Variants in RABGAP1 observed in about 807,000 individuals in gnomAD.
RABGAP1 encodes RAB GTPase activating protein 1.
RABGAP1 carries 23 observed loss-of-function variants against 137.6 expected under a neutral mutation model. That is an observed-to-expected ratio of 0.17 (90% CI 0.12 to 0.24). The LOEUF is 0.24. RABGAP1 is among the 10% of genes least tolerant of loss of function. RABGAP1 has a pLI of 1.00. For missense variants in RABGAP1, 906 were observed against 1,275.8 expected, an observed-to-expected ratio of 0.71 and a Z score of 4.42; for synonymous variants, 451 against 450.7, an observed-to-expected ratio of 1.00 and a Z score of -0.01.
chr9:123,020,236 T>C (rs976091068), intron 12 of RABGAP1, 73 bp from the exon 13 acceptor site: 3 of 1,289,884 alleles, frequency 2.3e-6, no homozygotes. Context: ...TTAAATTGAC[T>C]TTGATAAAAG....
chr9:123,042,674 A>C (rs1477479530), intron 13 of RABGAP1, among the ~76,000 whole-genome samples: 1 of 152,214 alleles, frequency 6.6e-6, no homozygotes, highest in East Asian at 1.9e-4. Context: ...AATAGATGAA[A>C]AAGCAAAACA....
At chr9:122,977,179 T>C (rs1020517143) in intron 2 of RABGAP1, among the ~76,000 whole-genome samples, 2 of 152,134 alleles carry the variant, frequency 1.3e-5, no homozygotes, top group Admixed American at 6.5e-5. Context: ...GGTGGCCATA[T>C]GTGAAAGAGA....
At chr9:123,031,144 G>A (rs904828234) in intron 13 of RABGAP1, among the ~76,000 whole-genome samples, 28 of 151,906 alleles carry the variant, frequency 1.8e-4, no homozygotes, top group Middle Eastern at 3.2e-3. Flanking sequence ...TTTTATCAGC[G>A]TAACTGTCTT....
At chr9:122,975,613 G>A (rs1835723799) in intron 2 of RABGAP1, among the ~76,000 whole-genome samples, 1 of 152,138 alleles carries the variant, frequency 6.6e-6, no homozygotes, top group Admixed American at 6.5e-5. Flanking sequence ...TAAGTTTATT[G>A]TTTTCAAACC....
chr9:122,987,176 C>T (rs948282674), intron 4 of RABGAP1, among the ~76,000 whole-genome samples: 1 of 152,064 alleles, frequency 6.6e-6, no homozygotes, highest in African/African-American at 2.4e-5. Flanking sequence ...AAAACTGAGG[C>T]ACAGAGAAGC....
At position 123,020,051 on chromosome 9, in the gene RABGAP1, T is replaced by C. The variant is rs554265256; in HGVS notation, c.1644-258T>C. ...TTTCCAGTTTTGCTTTTTTTTTTTT[T>C]TTTTTTTAAAGTAGAGAAATAATTT... On this transcript the variant is annotated intron_variant, in intron 12 of 25. Coordinates refer to ENST00000373647, the MANE Select transcript of RABGAP1 (RefSeq NM_012197.4). Among the ~76,000 whole-genome samples, 684 of 152,042 alleles carry C rather than the reference T, an allele frequency of 4.5e-3. 2 individuals are homozygous for C. Among genetic ancestry groups the C allele is most frequent in the Non-Finnish European group, 7.1e-3 (483 of 67,974 alleles).
At chr9:123,079,338 C>T (rs2034634675) in intron 19 of RABGAP1, among the ~76,000 whole-genome samples, 1 of 150,686 alleles carries the variant, frequency 6.6e-6, no homozygotes, top group South Asian at 2.1e-4. Flanking sequence ...CTCCCGGGTT[C>T]AAGTAATTCT....
intron 13 of RABGAP1, among the ~76,000 whole-genome samples, chr9:123,044,888 T>TA (rs2033138273): frequency 6.6e-6 from 1 of 152,066 alleles, no homozygotes; most frequent in African/African-American, 2.4e-5. Context: ...TGAGATTTCG[T>TA]AAAGTATCCA....
chr9:122,960,294 G>A (rs1834782419), intron 2 of RABGAP1, among the ~76,000 whole-genome samples: 1 of 152,222 alleles, frequency 6.6e-6, no homozygotes, highest in African/African-American at 2.4e-5. Flanking sequence ...AGTTTATACT[G>A]TAGTGCATTG....
At chr9:123,089,553 T>C (rs1338195782) in intron 19 of RABGAP1, 3 of 508,878 alleles carry the variant, frequency 5.9e-6, no homozygotes, top group Non-Finnish European at 1.1e-5. Flanking sequence ...CCCAAACATC[T>C]CCAACAGAAC....
intron 1 of RABGAP1, among the ~76,000 whole-genome samples, chr9:122,950,377 C>CTTTCTTTTT (rs1834167534): frequency 4.0e-5 from 3 of 74,490 alleles, no homozygotes; most frequent in Admixed American, 1.8e-4. Context: ...CTTTTTCTTT[C>CTTTCTTTTT]TTTTTTTTTT....
chr9:122,983,447 T>C (rs929205531), intron 2 of RABGAP1, among the ~76,000 whole-genome samples: 4 of 152,194 alleles, frequency 2.6e-5, no homozygotes, highest in African/African-American at 9.7e-5. Flanking sequence ...TTCTCAATTA[T>C]AATTTGCAGC....
At chr9:122,980,393 G>A (rs1835983119) in intron 2 of RABGAP1, among the ~76,000 whole-genome samples, 1 of 152,136 alleles carries the variant, frequency 6.6e-6, no homozygotes, top group Non-Finnish European at 1.5e-5. Flanking sequence ...TACAGGCACA[G>A]GCCACTGTGC....
At chr9:123,059,571 A>AC (rs2033886846) in intron 13 of RABGAP1, among the ~76,000 whole-genome samples, 2 of 152,136 alleles carry the variant, frequency 1.3e-5, no homozygotes, top group African/African-American at 4.8e-5. Flanking sequence ...AATAAAAATT[A>AC]AAAAACAAAA....
chr9:123,059,141 G>T (rs1408300625), intron 13 of RABGAP1, among the ~76,000 whole-genome samples: 1 of 152,176 alleles, frequency 6.6e-6, no homozygotes, highest in Non-Finnish European at 1.5e-5. Flanking sequence ...AAAATGATCT[G>T]ATTGGTCCAT....
At chr9:123,024,778 T>C (rs2031859202) in intron 13 of RABGAP1, among the ~76,000 whole-genome samples, 1 of 152,188 alleles carries the variant, frequency 6.6e-6, no homozygotes, top group Admixed American at 6.5e-5. Context: ...TACCAGTAAA[T>C]TTGAATGATT....
upstream of RABGAP1, chr9:122,940,844 G>A (rs975909345): frequency 2.0e-5 from 3 of 152,560 alleles, no homozygotes; most frequent in East Asian, 1.9e-4. Flanking sequence ...GTCCTGAGGC[G>A]GGCTGAAAGC....
chr9:122,948,775 A>C (rs1834069690), intron 1 of RABGAP1, among the ~76,000 whole-genome samples: 1 of 152,062 alleles, frequency 6.6e-6, no homozygotes, highest in Non-Finnish European at 1.5e-5. Flanking sequence ...TTTGATGAAG[A>C]GTTTAGTCTT....
intron 3 of RABGAP1, 60 bp downstream of exon 3, chr9:122,984,779 C>T (rs1376313179): frequency 4.4e-5 from 63 of 1,446,290 alleles, no homozygotes; most frequent in Non-Finnish European, 5.5e-5. Flanking sequence ...TGTGAGTGTC[C>T]ACCCTGTACT....
Sources: allele counts gnomAD v4.1 joint callset (sites outside exome capture counted in the v4.1 genomes callset), GRCh38; gene constraint gnomAD v4.1.1; transcripts MANE v1.5; gene names NCBI Gene and HGNC (gene_info 2026-07-23, HGNC 2026-07-21).